The following TRHDE variants were observed in gnomAD, a reference collection of about 807,000 sequenced individuals.
TRHDE encodes the protein thyrotropin-releasing hormone-degrading ectoenzyme.
Under a neutral mutation model 125.7 loss-of-function variants are expected in TRHDE, and 72 were observed. That is an observed-to-expected ratio of 0.57 (90% confidence interval 0.47 to 0.70). The LOEUF is 0.70. Ranked by LOEUF, TRHDE falls within the 30% of genes least tolerant of loss-of-function variation. The pLI, the probability that TRHDE is intolerant of heterozygous loss-of-function variation, is 0.00. For missense variants in TRHDE, 1,110 were observed against 1,327.1 expected (o/e 0.84, Z 2.54); for synonymous variants, 509 against 509.1 (o/e 1.00, Z 0.00).
chr12:72,528,952 A>G (rs1868404653), intron 6 of TRHDE, among the ~76,000 whole-genome samples: 1 of 152,088 alleles, frequency 6.6e-6, no homozygotes, highest in Admixed American at 6.6e-5. Context: ...TAATATATTC[A>G]CTAATAATTT....
chr12:72,233,523 A>G (rs1372941532), intron 2 of TRHDE, among the ~76,000 whole-genome samples: 1 of 152,186 alleles, frequency 6.6e-6, no homozygotes, highest in Non-Finnish European at 1.5e-5. Context: ...AAAAAAGTAT[A>G]ATAATAAGAA....
intron 6 of TRHDE, among the ~76,000 whole-genome samples, chr12:72,534,468 T>G (rs140620499): frequency 6.6e-6 from 1 of 152,108 alleles, no homozygotes; most frequent in Non-Finnish European, 1.5e-5. Flanking sequence ...TGCCATTGCC[T>G]GAGAATGCTC....
At chr12:72,448,071 A>G (rs1322627398) in intron 3 of TRHDE, among the ~76,000 whole-genome samples, 2 of 152,074 alleles carry the variant, frequency 1.3e-5, no homozygotes, top group Non-Finnish European at 2.9e-5. Context: ...TCTCTTTACA[A>G]GTGTATTTGT....
chr12:72,440,170 G>T (rs1874932764), intron 3 of TRHDE, among the ~76,000 whole-genome samples: 1 of 151,912 alleles, frequency 6.6e-6, no homozygotes, highest in Non-Finnish European at 1.5e-5. Flanking sequence ...CTAGTATTTT[G>T]TTGAGGATGT....
intron 2 of TRHDE, among the ~76,000 whole-genome samples, chr12:72,305,332 C>T (rs957690192): frequency 1.3e-5 from 2 of 152,144 alleles, no homozygotes; most frequent in Non-Finnish European, 2.9e-5. Context: ...AAATGGATTA[C>T]TAAATCCCAC....
intron 2 of TRHDE, among the ~76,000 whole-genome samples, chr12:72,353,903 C>T (rs1870696331): frequency 1.3e-5 from 2 of 150,786 alleles, no homozygotes; most frequent in Admixed American, 1.3e-4. Flanking sequence ...GTATGCTAAT[C>T]CTGATGTCAT....
intron 7 of TRHDE, among the ~76,000 whole-genome samples, chr12:72,547,134 T>A (rs574755470): frequency 6.7e-6 from 1 of 148,502 alleles, no homozygotes; most frequent in Non-Finnish European, 1.5e-5. Flanking sequence ...TAAATATTAT[T>A]TGCATTATTT....
At chr12:72,626,771 T>G (rs1873275578) in intron 15 of TRHDE, among the ~76,000 whole-genome samples, 1 of 151,886 alleles carries the variant, frequency 6.6e-6, no homozygotes, top group Non-Finnish European at 1.5e-5. Flanking sequence ...ATGTTTGCTT[T>G]TCTTATGTGA....
chr12:72,478,081 T>G (rs1296931815), intron 5 of TRHDE, among the ~76,000 whole-genome samples: 1 of 152,196 alleles, frequency 6.6e-6, no homozygotes, highest in Non-Finnish European at 1.5e-5. Context: ...ATAAAGATAA[T>G]TATTAATGCA....
intron 12 of TRHDE, among the ~76,000 whole-genome samples, chr12:72,577,472 A>G (rs1871048621): frequency 6.6e-6 from 1 of 152,150 alleles, no homozygotes; most frequent in Admixed American, 6.6e-5. Context: ...CCAGAGCGCT[A>G]AGCTGCTTCT....
intron 12 of TRHDE, among the ~76,000 whole-genome samples, chr12:72,588,030 C>A (rs576112377): frequency 2.0e-5 from 3 of 152,214 alleles, no homozygotes; most frequent in Non-Finnish European, 4.4e-5. Flanking sequence ...ACTATATGTT[C>A]CCCTTATCCT....
chr12:72,485,044 A>G (rs1877338960), intron 5 of TRHDE, among the ~76,000 whole-genome samples: 1 of 152,232 alleles, frequency 6.6e-6, no homozygotes, highest in Admixed American at 6.5e-5. Context: ...TGCAGAGAAA[A>G]GGTAAGCAAG....
intron 2 of TRHDE, among the ~76,000 whole-genome samples, chr12:72,313,312 T>C (rs1274075843): frequency 6.6e-6 from 1 of 151,934 alleles, no homozygotes; most frequent in Non-Finnish European, 1.5e-5. Flanking sequence ...TTTTTAAATA[T>C]TTGACCACAT....
chr12:72,641,060 A>G (rs868175897), intron 15 of TRHDE, among the ~76,000 whole-genome samples: 3 of 152,228 alleles, frequency 2.0e-5, no homozygotes, highest in South Asian at 2.1e-4. Flanking sequence ...TCCCTGTCCA[A>G]TTAGGGTAAA....
At chr12:72,301,886 T>A (rs552374352) in intron 2 of TRHDE, among the ~76,000 whole-genome samples, 2 of 152,166 alleles carry the variant, frequency 1.3e-5, no homozygotes, top group Admixed American at 6.5e-5. Context: ...AAAAGGTCAT[T>A]TGCAAAAGGC....
At chr12:72,134,688 T>C (rs984052938) in intron 2 of TRHDE, among the ~76,000 whole-genome samples, 2 of 152,144 alleles carry the variant, frequency 1.3e-5, no homozygotes, top group African/African-American at 4.8e-5. Context: ...GTAGGAGTTC[T>C]TTGAACTCCC....
intron 5 of TRHDE, among the ~76,000 whole-genome samples, chr12:72,482,447 CTAT>C (rs1877217422): frequency 6.6e-6 from 1 of 151,646 alleles, no homozygotes; most frequent in African/African-American, 2.4e-5. Flanking sequence ...ATTTAGCTAC[CTAT>C]TATTATTTTT....
At chr12:72,542,765 G>A (rs1869216929) in intron 7 of TRHDE, among the ~76,000 whole-genome samples, 1 of 150,952 alleles carries the variant, frequency 6.6e-6, no homozygotes, top group Admixed American at 6.6e-5. Context: ...CGCCTTTTAG[G>A]TTTTTGTTAT....
intron 2 of TRHDE, among the ~76,000 whole-genome samples, chr12:72,149,847 TA>T (rs1463369196): frequency 6.6e-6 from 1 of 152,192 alleles, no homozygotes; most frequent in Non-Finnish European, 1.5e-5. Flanking sequence ...TCTATATGAA[TA>T]AATATAGCTT....
Sources: allele counts gnomAD v4.1 joint callset (sites outside exome capture counted in the v4.1 genomes callset), GRCh38; gene constraint gnomAD v4.1.1; transcripts MANE v1.5; gene names NCBI Gene and HGNC (gene_info 2026-07-23, HGNC 2026-07-21).